RALY: variants seen among roughly 807,000 people sequenced by gnomAD.
RALY encodes the protein RNA-binding protein Raly.
In RALY, 15 loss-of-function variants were observed where a neutral mutation model predicts 30.7. The ratio of observed to expected loss-of-function variants is 0.49; its 90% confidence interval spans 0.33 to 0.75. The LOEUF is 0.75. Among genes scored for constraint, RALY ranks in the 30% least tolerant of loss-of-function variants. The pLI, the probability that RALY is intolerant of heterozygous loss-of-function variation, is 0.02. For synonymous variants in RALY, 177 were observed against 170.8 expected, an observed-to-expected ratio of 1.04 and a Z score of -0.28; for missense variants, 339 against 414.3, an observed-to-expected ratio of 0.82 and a Z score of 1.58.
intron 2 of RALY, among the ~76,000 whole-genome samples, chr20:34,034,040 T>G (rs1444655634): frequency 1.3e-5 from 2 of 152,210 alleles, no homozygotes; most frequent in African/African-American, 4.8e-5. Context: ...TATAGGATAC[T>G]ACAGCAGTTC....
intron 1 of RALY, among the ~76,000 whole-genome samples, chr20:34,010,707 C>G (rs1278215244): frequency 6.6e-6 from 1 of 152,150 alleles, no homozygotes; most frequent in Non-Finnish European, 1.5e-5. Flanking sequence ...ACTCAAAAAG[C>G]GTAGTAAGCT....
At chr20:34,011,604 ATAAAGC>A (rs1343175700) in intron 1 of RALY, among the ~76,000 whole-genome samples, 2 of 152,206 alleles carry the variant, frequency 1.3e-5, no homozygotes, top group South Asian at 2.1e-4. Context: ...AGTGGAAAGA[ATAAAGC>A]TAGAGACTTG....
rs1263172486 is a variant in RALY, at chr20:34,076,658, C to T, written c.545-44C>T. 3 of 1,547,722 alleles carry T rather than the reference C, an allele frequency of 1.9e-6. No individual in the cohort carries two copies. The East Asian group carries it at 6.7e-5, about 35-fold the overall frequency. ...CTGAGGTTTTGTGCTAGTGTCAAGC[C>T]TCCAGCCCCCTAGGTGACAGCCCTG... On this transcript the variant is annotated intron_variant, in intron 6 of 9. Transcript: ENST00000246194.
chr20:34,072,952 G>C (rs1390727867), intron 3 of RALY, among the ~76,000 whole-genome samples: 1 of 149,036 alleles, frequency 6.7e-6, no homozygotes, highest in Non-Finnish European at 1.5e-5. Flanking sequence ...GTGTGTGTGT[G>C]TGTGTGTGAG....
At chr20:34,067,935 A>G (rs2284388) in intron 2 of RALY, among the ~76,000 whole-genome samples, 112,385 of 151,574 alleles carry the variant, frequency 0.74, 42,128 homozygotes, top group South Asian at 0.85. Context: ...TAGCGTCAGA[A>G]GACCCATGGG....
rs904936731 is a variant in RALY at position 34,083,806 on chromosome 20, TA to T, written c.*3902del. On this transcript the variant is annotated 3_prime_UTR_variant, in exon 10 of 10. Coordinates refer to ENST00000246194, the MANE Select transcript of RALY (RefSeq NM_016732.3). ...GGCCTGTCTGACAAGACCACAGAAA[TA>T]GAGAAGGCAAAGCAGAGCAAAAGAT... 6.6e-6 allele frequency: 1 copy of T among 152,148 alleles called. No individual in the cohort carries two copies. The highest frequency in any genetic ancestry group is 2.4e-5 in the African/African-American group (1 of 41,420). 9.4% of individuals were successfully genotyped at this position (152,148 alleles called of 1,614,324 possible). A position where few individuals can be genotyped will look rare whatever the true frequency, so the allele number is the denominator to read the frequency against.
At chr20:34,015,340 T>C (rs556440620) in intron 1 of RALY, among the ~76,000 whole-genome samples, 1 of 152,278 alleles carries the variant, frequency 6.6e-6, no homozygotes, top group East Asian at 1.9e-4. Flanking sequence ...TCCCCCTTTT[T>C]TTTTAAATCT....
intron 2 of RALY, among the ~76,000 whole-genome samples, chr20:34,050,072 T>A (rs572646500): frequency 3.8e-4 from 58 of 152,312 alleles, no homozygotes; most frequent in South Asian, 1.2e-3. Context: ...CTGTTCCATC[T>A]CATGCCATTT....
chr20:34,000,037 T>C (rs1349634317), intron 1 of RALY, among the ~76,000 whole-genome samples: 1 of 152,138 alleles, frequency 6.6e-6, no homozygotes, highest in Non-Finnish European at 1.5e-5. Flanking sequence ...GGGGTGGAGA[T>C]AGCAAGGTTT....
chr20:34,074,941 G>A (rs977166862), intron 5 of RALY, among the ~76,000 whole-genome samples: 12 of 152,160 alleles, frequency 7.9e-5, no homozygotes, highest in African/African-American at 2.7e-4. Context: ...TTTCCTGGCC[G>A]TTGTCAGGAA....
rs2034041093 is a variant in RALY at position 34,082,201 on chromosome 20, C to T, written c.*2296C>T. ...TCTTTCCTTGCCCAGAAGGCGAGAG[C>T]CAGCTATAACAGACCCATTTCAATA... On this transcript the variant is annotated 3_prime_UTR_variant, in exon 10 of 10. Transcript: ENST00000246194. 1 of 152,314 alleles carries T rather than the reference C, an allele frequency of 6.6e-6. No individual in the cohort carries two copies. Among genetic ancestry groups the T allele is most frequent in the Non-Finnish European group, 1.5e-5 (1 of 68,094 alleles). 9.4% of individuals were successfully genotyped at this position (152,314 alleles called of 1,614,324 possible).
intron 2 of RALY, among the ~76,000 whole-genome samples, chr20:34,061,981 C>CT (rs1481057228): frequency 6.6e-6 from 1 of 152,190 alleles, no homozygotes; most frequent in Non-Finnish European, 1.5e-5. Context: ...GGGCAAGTCC[C>CT]TTTCTCTGAG....
chr20:34,073,307 G>A (rs141951464), intron 3 of RALY, among the ~76,000 whole-genome samples: 3 of 151,998 alleles, frequency 2.0e-5, no homozygotes, highest in African/African-American at 7.2e-5. Context: ...GGGGCGGGGG[G>A]GAGGACATGT....
chr20:34,034,391 C>T (rs1440724376), intron 2 of RALY, among the ~76,000 whole-genome samples: 3 of 152,194 alleles, frequency 2.0e-5, no homozygotes, highest in African/African-American at 4.8e-5. Context: ...CAGGCTCTTG[C>T]TGCCACTTCT....
chr20:34,045,098 G>A (rs1252907346), intron 2 of RALY, among the ~76,000 whole-genome samples: 2 of 151,838 alleles, frequency 1.3e-5, no homozygotes, highest in African/African-American at 4.8e-5. Context: ...TTTTTGTAGA[G>A]CCAGGGTCTC....
rs577323970 is a variant in RALY, at chr20:33,998,042, A to T, written c.-93+3911A>T. 3.0e-4 allele frequency among the ~76,000 whole-genome samples: 45 copies of T among 152,372 alleles called. 1 individual carries two copies. The highest frequency in any genetic ancestry group is 5.0e-4 in the Non-Finnish European group (34 of 68,040). On this transcript the variant is annotated intron_variant, in intron 1 of 9. Coordinates refer to ENST00000246194, the MANE Select transcript of RALY (RefSeq NM_016732.3). ...GTCATTTAGACCAGCCACCTGGCTGACATTTGAGTTGGTTACTTGTTGAGA... is the reference window on the plus strand; with the variant it reads ...GTCATTTAGACCAGCCACCTGGCTGTCATTTGAGTTGGTTACTTGTTGAGA...
chr20:34,034,253 T>C (rs1271567774), intron 2 of RALY, among the ~76,000 whole-genome samples: 3 of 152,192 alleles, frequency 2.0e-5, no homozygotes, highest in Non-Finnish European at 4.4e-5. Flanking sequence ...CATCTTGTTC[T>C]CCCCCTTCAC....
chr20:34,044,366 C>G (rs1238378895), intron 2 of RALY, among the ~76,000 whole-genome samples: 1 of 151,240 alleles, frequency 6.6e-6, no homozygotes, highest in African/African-American at 2.4e-5. Context: ...TCTCTTATTG[C>G]CCAGACCGGA....
chr20:34,024,028 A>C (rs755671911), intron 1 of RALY, among the ~76,000 whole-genome samples: 1 of 151,052 alleles, frequency 6.6e-6, no homozygotes, highest in Non-Finnish European at 1.5e-5. Context: ...ACATGGTCTG[A>C]GTGAGGTGAG....
Sources: gnomAD v4.1 joint callset for allele counts (sites outside exome capture counted in the v4.1 genomes callset) on GRCh38, gnomAD v4.1.1 for gene constraint, MANE v1.5 for transcripts, NCBI Gene and HGNC (gene_info 2026-07-23, HGNC 2026-07-21) for gene names.